The following DCLK1 variants were observed in gnomAD, a reference collection of about 807,000 sequenced individuals.
DCLK1 encodes the protein doublecortin like kinase 1.
In DCLK1, 16 loss-of-function variants were observed where a neutral mutation model predicts 86.2. The ratio of observed to expected loss-of-function variants is 0.19; its 90% CI spans 0.13 to 0.28. The LOEUF is 0.28. Among genes scored for constraint, DCLK1 ranks in the 10% least tolerant of loss-of-function variants. DCLK1 has a pLI of 1.00. For synonymous variants in DCLK1, 369 were observed against 370.5 expected (o/e 1.00, Z 0.05); for missense variants, 590 against 940.2 (o/e 0.63, Z 4.87).
intron 3 of DCLK1, among the ~76,000 whole-genome samples, chr13:35,985,520 G>A (rs1309305711): frequency 6.6e-6 from 1 of 152,202 alleles, no homozygotes; most frequent in African/African-American, 2.4e-5. Flanking sequence ...GTCATTGAAG[G>A]CAGGCTGCGG....
rs186054594 is a variant in DCLK1 at position 36,048,213 on chromosome 13, G to A, written c.723+63656C>T. Among the ~76,000 whole-genome samples, 102 of 152,146 alleles carry A rather than the reference G, an allele frequency of 6.7e-4. No individual in the cohort carries two copies. The Middle Eastern group carries it at 0.014, about 20-fold the overall frequency. On this transcript the variant is annotated intron_variant, in intron 3 of 16. Coordinates refer to ENST00000360631, the MANE Select transcript of DCLK1 (RefSeq NM_001330071.2). Reference sequence around the variant, plus strand: ...GAGCCAACTGATATATTTAGCATTGGATATATGCTAAAACTGGAAACCTTT... The same window carrying A: ...GAGCCAACTGATATATTTAGCATTGAATATATGCTAAAACTGGAAACCTTT...
At chr13:36,107,313 T>C (rs1245210540) in intron 3 of DCLK1, among the ~76,000 whole-genome samples, 2 of 150,324 alleles carry the variant, frequency 1.3e-5, no homozygotes, top group Non-Finnish European at 3.0e-5. Flanking sequence ...GTTTGCTCAC[T>C]CTAGCATGCT....
At position 35,875,176 on chromosome 13, in the gene DCLK1, C is replaced by T. The variant is rs1593688169; in HGVS notation, c.824-3836G>A. Among the ~76,000 whole-genome samples the T allele has an allele frequency of 3.9e-5, 6 of 152,296 alleles. No individual in the cohort carries two copies. In the South Asian group the frequency reaches 1.0e-3, roughly 26 times the overall value. On this transcript the variant is annotated intron_variant, in intron 4 of 16. Transcript: ENST00000360631. The stretch of plus-strand genomic sequence containing the variant: ...TTGTTGTTAAGTAACATTCAATTTT[C>T]TCATTTTAAATAAAAATCAAGATGA...
At chr13:35,920,495 C>T (rs1036515137) in intron 4 of DCLK1, among the ~76,000 whole-genome samples, 16 of 152,044 alleles carry the variant, frequency 1.1e-4, no homozygotes, top group African/African-American at 3.9e-4. Flanking sequence ...AGTGTATTCT[C>T]AAGGAGTTAG....
At chr13:36,073,531 G>T (rs555155833) in intron 3 of DCLK1, among the ~76,000 whole-genome samples, 2 of 152,126 alleles carry the variant, frequency 1.3e-5, no homozygotes, top group East Asian at 1.9e-4. Context: ...CTAAAAGCAG[G>T]TATCTGAAGA....
intron 3 of DCLK1, among the ~76,000 whole-genome samples, chr13:36,097,846 T>C (rs1885069561): frequency 6.6e-6 from 1 of 151,832 alleles, no homozygotes; most frequent in South Asian, 2.1e-4. Context: ...GTGAGCATTC[T>C]TACCAAAAAA....
chr13:36,076,825 T>C (rs1884231051), intron 3 of DCLK1, among the ~76,000 whole-genome samples: 1 of 152,152 alleles, frequency 6.6e-6, no homozygotes, highest in South Asian at 2.1e-4. Context: ...CATAACGCTT[T>C]CCCAAATGTT....
At chr13:36,095,298 C>A (rs960005379) in intron 3 of DCLK1, among the ~76,000 whole-genome samples, 3 of 152,052 alleles carry the variant, frequency 2.0e-5, no homozygotes, top group Middle Eastern at 3.4e-3. Context: ...TTCCGCTTCC[C>A]AGGTTCAAGT....
intron 3 of DCLK1, 94 bp downstream of exon 3, chr13:36,111,772 TAAC>T: frequency 8.9e-7 from 1 of 1,129,280 alleles, no homozygotes; most frequent in Non-Finnish European, 1.3e-6. Flanking sequence ...CCAGGCCCTT[TAAC>T]AACTTGAGCA....
chr13:35,807,159 C>T (rs2087043899), intron 14 of DCLK1, among the ~76,000 whole-genome samples: 2 of 152,186 alleles, frequency 1.3e-5, no homozygotes, highest in African/African-American at 4.8e-5. Context: ...TCAAGGTCTA[C>T]AAACATCTCA....
At chr13:35,889,988 T>C (rs1245083740) in intron 4 of DCLK1, among the ~76,000 whole-genome samples, 1 of 152,174 alleles carries the variant, frequency 6.6e-6, no homozygotes, top group East Asian at 1.9e-4. Context: ...TTTTAAAGGA[T>C]ATCCGAACAG....
intron 16 of DCLK1, among the ~76,000 whole-genome samples, chr13:35,786,228 A>C (rs945748123): frequency 1.3e-5 from 2 of 152,176 alleles, no homozygotes; most frequent in South Asian, 4.1e-4. Context: ...TAATCCTACA[A>C]ATTTAGTAAT....
At chr13:36,122,609 T>C (rs1421705102) in intron 2 of DCLK1, among the ~76,000 whole-genome samples, 1 of 152,142 alleles carries the variant, frequency 6.6e-6, no homozygotes, top group Non-Finnish European at 1.5e-5. Context: ...CAGTAGAATA[T>C]AGATGGTGCA....
chr13:35,967,566 A>C (rs556441600), intron 3 of DCLK1, among the ~76,000 whole-genome samples: 3 of 152,324 alleles, frequency 2.0e-5, no homozygotes, highest in South Asian at 4.1e-4. Context: ...TGTGTCCACT[A>C]AGGGTTAAAT....
In DCLK1 at chr13:35,991,338, T is replaced by C. The variant is rs12583334; in HGVS notation, c.724-43881A>G. 1.6e-4 allele frequency among the ~76,000 whole-genome samples: 25 copies of C among 152,188 alleles called. No individual in the cohort carries two copies. In the East Asian group the frequency reaches 4.8e-3, roughly 29 times the overall value. On this transcript the variant is annotated intron_variant, in intron 3 of 16. Coordinates refer to ENST00000360631, the MANE Select transcript of DCLK1 (RefSeq NM_001330071.2). ...ACAGAAGTTTAACTATTTTTTTAGG[T>C]CTTCATTTCCTTATGAAGACTCCTG...
At chr13:36,105,083 A>G (rs533894422) in intron 3 of DCLK1, among the ~76,000 whole-genome samples, 2 of 152,278 alleles carry the variant, frequency 1.3e-5, no homozygotes, top group Non-Finnish European at 2.9e-5. Flanking sequence ...AGAAGAGGAA[A>G]TTGAGATTCA....
intron 3 of DCLK1, among the ~76,000 whole-genome samples, chr13:36,035,764 T>C (rs1187526826): frequency 1.3e-4 from 20 of 152,272 alleles, no homozygotes; most frequent in Non-Finnish European, 1.0e-4. Flanking sequence ...CTGGCAAAAG[T>C]ACGTACATAC....
intron 3 of DCLK1, among the ~76,000 whole-genome samples, chr13:36,108,463 T>C (rs77987728): frequency 1.8e-3 from 277 of 152,310 alleles, no homozygotes; most frequent in African/African-American, 6.4e-3. Context: ...GAGAGGCAAC[T>C]GAGCAAGGAG....
chr13:36,073,240 T>C (rs1163704013), intron 3 of DCLK1, among the ~76,000 whole-genome samples: 1 of 152,242 alleles, frequency 6.6e-6, no homozygotes, highest in Non-Finnish European at 1.5e-5. Context: ...TTTGCAGTCA[T>C]GCTATCCTCC....
Sources: allele counts gnomAD v4.1 joint callset (sites outside exome capture counted in the v4.1 genomes callset), GRCh38; gene constraint gnomAD v4.1.1; transcripts MANE v1.5; gene names NCBI Gene and HGNC (gene_info 2026-07-23, HGNC 2026-07-21).